The following ZNF365 variants were observed in gnomAD, a reference collection of about 807,000 sequenced individuals.
ZNF365 encodes zinc finger protein 365.
ZNF365 carries 22 observed loss-of-function variants against 35.0 expected under a neutral mutation model. The observed-to-expected ratio is 0.63, with a 90% confidence interval of 0.45 to 0.90. ZNF365 has a LOEUF of 0.90. Ranked by LOEUF, ZNF365 falls within the 40% of genes least tolerant of loss-of-function variation. The pLI is 0.00. For synonymous variants in ZNF365, 188 were observed against 196.2 expected (o/e 0.96, Z 0.35); for missense variants, 448 against 500.3 (o/e 0.90, Z 1.00).
intron 3 of ZNF365, among the ~76,000 whole-genome samples, chr10:62,436,052 G>A (rs1187903301): frequency 6.6e-6 from 1 of 152,038 alleles, no homozygotes; most frequent in Non-Finnish European, 1.5e-5. Flanking sequence ...TTGTAATACC[G>A]TAATACTTTA....
chr10:62,447,427 A>C (rs1840608487), intron 3 of ZNF365, among the ~76,000 whole-genome samples: 1 of 152,230 alleles, frequency 6.6e-6, no homozygotes, highest in Non-Finnish European at 1.5e-5. Context: ...CCATCTGTAA[A>C]GAAGTATGTC....
At chr10:62,471,737 A>G (rs1841042710) in intron 4 of ZNF365, among the ~76,000 whole-genome samples, 1 of 152,228 alleles carries the variant, frequency 6.6e-6, no homozygotes, top group East Asian at 1.9e-4. Context: ...TTAACATTCC[A>G]GCCTACAAGT....
intron 4 of ZNF365, among the ~76,000 whole-genome samples, chr10:62,468,585 G>T (rs1418107619): frequency 6.6e-6 from 1 of 152,170 alleles, no homozygotes; most frequent in Non-Finnish European, 1.5e-5. Flanking sequence ...AATCACTGAT[G>T]CTTTATGAAA....
intron 3 of ZNF365, among the ~76,000 whole-genome samples, chr10:62,453,054 T>A (rs946383936): frequency 2.0e-5 from 3 of 152,180 alleles, no homozygotes; most frequent in Non-Finnish European, 4.4e-5. Context: ...AAACAAATAA[T>A]GAAATAGAAA....
At chr10:62,396,285 A>G (rs1839726136) in intron 3 of ZNF365, among the ~76,000 whole-genome samples, 1 of 152,226 alleles carries the variant, frequency 6.6e-6, no homozygotes. Flanking sequence ...TACAGAGTGA[A>G]GCCTTGCTCA....
intron 4 of ZNF365, among the ~76,000 whole-genome samples, chr10:62,465,719 C>A (rs1175339556): frequency 1.3e-5 from 2 of 152,200 alleles, no homozygotes; most frequent in Non-Finnish European, 2.9e-5. Context: ...GGCTCACCCT[C>A]CAGTTATCCA....
chr10:62,463,354 G>A (rs536329198), intron 4 of ZNF365, among the ~76,000 whole-genome samples: 1 of 152,240 alleles, frequency 6.6e-6, no homozygotes, highest in East Asian at 1.9e-4. Flanking sequence ...CACTTATTTG[G>A]GCTGGCAATC....
At chr10:62,454,607 G>A (rs1840732940) in intron 3 of ZNF365, among the ~76,000 whole-genome samples, 6 of 152,048 alleles carry the variant, frequency 3.9e-5, no homozygotes, top group Admixed American at 3.9e-4. Flanking sequence ...ATGTTACTGA[G>A]AGGTGGTATT....
intron 3 of ZNF365, among the ~76,000 whole-genome samples, chr10:62,444,360 C>A (rs1840550042): frequency 6.6e-6 from 1 of 152,134 alleles, no homozygotes; most frequent in Non-Finnish European, 1.5e-5. Context: ...ACTTCTGAGC[C>A]CTCTGCTTCT....
chr10:62,430,545 A>T (rs1218081089), intron 3 of ZNF365, among the ~76,000 whole-genome samples: 3 of 152,190 alleles, frequency 2.0e-5, no homozygotes, highest in Non-Finnish European at 4.4e-5. Context: ...CCTTATTTGA[A>T]GTTTAATAAC....
At chr10:62,450,956 C>G (rs1840674263) in intron 3 of ZNF365, among the ~76,000 whole-genome samples, 1 of 152,160 alleles carries the variant, frequency 6.6e-6, no homozygotes, top group Non-Finnish European at 1.5e-5. Flanking sequence ...CTGAAACCAA[C>G]CGTTTTTGAA....
At chr10:62,413,163 C>T (rs1840012813) in intron 3 of ZNF365, among the ~76,000 whole-genome samples, 1 of 152,156 alleles carries the variant, frequency 6.6e-6, no homozygotes, top group Non-Finnish European at 1.5e-5. Context: ...AGCTCTCCAA[C>T]TAATTCTGAT....
Position 62,416,210 on chromosome 10 carries a change from T to A in ZNF365, c.924+27634T>A, listed in dbSNP as rs529795846. Among the ~76,000 whole-genome samples, 20 of 1,386 alleles carry A rather than the reference T, an allele frequency of 0.014. No individual in the cohort carries two copies. The South Asian group carries it at 0.39, about 27-fold the overall frequency. 0.9% of individuals were successfully genotyped at this position (1,386 alleles called of 152,430 possible). ...CACAGGTCCTTACACAGGTCAAGTG[T>A]CTTAACTTCTACCTGGTCAGATAAA... is the stretch of plus-strand genomic sequence containing the variant. On this transcript the variant is annotated intron_variant, in intron 3 of 4. Transcript: ENST00000395255.
chr10:62,398,814 T>G, intron 4 of ZNF365, 37 bp downstream of exon 4: 1 of 1,577,004 alleles, frequency 6.3e-7, no homozygotes, highest in African/African-American at 1.4e-5. Context: ...CATTTGATAA[T>G]GTTTGTATTG....
intron 3 of ZNF365, among the ~76,000 whole-genome samples, chr10:62,453,943 T>C (rs1196329464): frequency 2.6e-5 from 4 of 152,146 alleles, no homozygotes; most frequent in Non-Finnish European, 5.9e-5. Flanking sequence ...GTTAAAAGAG[T>C]ACGGATTCTA....
chr10:62,449,815 T>TG (rs535370087), intron 3 of ZNF365, among the ~76,000 whole-genome samples: 1 of 83,688 alleles, frequency 1.2e-5, no homozygotes, highest in African/African-American at 9.5e-5. Context: ...GCCTGGTTCA[T>TG]TTTTTTTTTT....
chr10:62,474,026 T>C (rs993065788), intron 4 of ZNF365, among the ~76,000 whole-genome samples: 4 of 152,196 alleles, frequency 2.6e-5, no homozygotes, highest in African/African-American at 9.6e-5. Flanking sequence ...CACATAGACA[T>C]ATTAACATTG....
chr10:62,432,365 T>G (rs764602181), intron 3 of ZNF365, among the ~76,000 whole-genome samples: 20 of 151,526 alleles, frequency 1.3e-4, no homozygotes, highest in Non-Finnish European at 2.6e-4. Flanking sequence ...GCCAATACTT[T>G]GTTAATTCAA....
At chr10:62,480,058 C>G in exon 5 of ZNF365, 1 of 1,375,322 alleles carries the variant, frequency 7.3e-7, no homozygotes, top group East Asian at 2.6e-5. Context: ...CTTTACTCAC[C>G]AGGAGTGGGT....
Sources: allele counts gnomAD v4.1 joint callset (sites outside exome capture counted in the v4.1 genomes callset), GRCh38; gene constraint gnomAD v4.1.1; transcripts MANE v1.5; gene names NCBI Gene and HGNC (gene_info 2026-07-23, HGNC 2026-07-21).